Variants in OLFM2 observed in about 807,000 individuals in gnomAD.
OLFM2 encodes olfactomedin 2, also known as noelin-2.
In OLFM2, 20 loss-of-function variants were observed where a neutral mutation model predicts 43.9. That is an observed-to-expected ratio of 0.46 (90% CI 0.32 to 0.66). The LOEUF (loss-of-function observed/expected upper bound fraction) is 0.66. Ranked by LOEUF, OLFM2 falls within the 30% of genes least tolerant of loss-of-function variation. The pLI is 0.04. For synonymous variants in OLFM2, 268 were observed against 278.6 expected (o/e 0.96, Z 0.38); for missense variants, 416 against 643.6 (o/e 0.65, Z 3.83).
chr19:9,865,571 A>G (rs2046395926), intron 1 of OLFM2, among the ~76,000 whole-genome samples: 1 of 128,858 alleles, frequency 7.8e-6, no homozygotes, highest in East Asian at 2.4e-4. Flanking sequence ...GGCTCACTGC[A>G]GCCTCTGCCT....
chr19:9,922,212 A>G (rs560937853), intron 1 of OLFM2, among the ~76,000 whole-genome samples: 2 of 152,340 alleles, frequency 1.3e-5, no homozygotes, highest in South Asian at 4.1e-4. Context: ...TCCAATAAAA[A>G]TCTCATATCC....
chr19:9,927,907 C>A (rs2086462741), intron 1 of OLFM2, among the ~76,000 whole-genome samples: 1 of 151,070 alleles, frequency 6.6e-6, no homozygotes, highest in South Asian at 2.1e-4. Context: ...ACTAAAAATA[C>A]AAAAATTAGC....
chr19:9,873,214 C>T (rs191981628), intron 1 of OLFM2, among the ~76,000 whole-genome samples: 6 of 152,260 alleles, frequency 3.9e-5, no homozygotes, highest in Admixed American at 2.6e-4. Context: ...GTAATCACGG[C>T]GCGATCACTG....
At chr19:9,885,351 A>C (rs2046577071) in intron 1 of OLFM2, among the ~76,000 whole-genome samples, 1 of 152,196 alleles carries the variant, frequency 6.6e-6, no homozygotes, top group African/African-American at 2.4e-5. Context: ...TTTCATCCCA[A>C]GAGAGCTGAG....
chr19:9,860,120 C>T (rs2046355822), intron 2 of OLFM2, among the ~76,000 whole-genome samples: 1 of 150,930 alleles, frequency 6.6e-6, no homozygotes, highest in Admixed American at 6.6e-5. Flanking sequence ...TGCACTCCAG[C>T]CTGGGCGACA....
intron 1 of OLFM2, among the ~76,000 whole-genome samples, chr19:9,899,136 C>CA (rs2046709782): frequency 6.6e-6 from 1 of 151,620 alleles, no homozygotes; most frequent in African/African-American, 2.4e-5. Flanking sequence ...GTGGTGGCAG[C>CA]CACCTGTAAT....
intron 1 of OLFM2, among the ~76,000 whole-genome samples, chr19:9,901,247 G>A (rs965583011): frequency 1.4e-5 from 2 of 140,620 alleles, no homozygotes; most frequent in African/African-American, 2.6e-5. Flanking sequence ...AAGGAAAGAA[G>A]AAAGAAAGGG....
chr19:9,928,920 T>C (rs2086468162), intron 1 of OLFM2, among the ~76,000 whole-genome samples: 2 of 151,946 alleles, frequency 1.3e-5, no homozygotes, highest in Admixed American at 1.3e-4. Flanking sequence ...GCACTCTGGA[T>C]GGATGAAGTT....
chr19:9,922,319 C>A lies in OLFM2; in HGVS notation c.63+13985G>T, dbSNP rs959139493. On this transcript the variant is annotated intron_variant, in intron 1 of 5. Transcript: ENST00000264833. ...ATTCCTACAAATCAGTAAGAAAAAACCAGACATCTGAACAGAGAAGTGGGC... is the reference window on the plus strand; with the variant it reads ...ATTCCTACAAATCAGTAAGAAAAAAACAGACATCTGAACAGAGAAGTGGGC... 4.0e-5 allele frequency among the ~76,000 whole-genome samples: 6 copies of A among 151,808 alleles called. No individual in the cohort carries two copies. The East Asian group carries it at 5.8e-4, about 15-fold the overall frequency.
chr19:9,877,282 C>A (rs2046498199), intron 1 of OLFM2, among the ~76,000 whole-genome samples: 4 of 149,838 alleles, frequency 2.7e-5, no homozygotes, highest in Admixed American at 1.3e-4. Context: ...ACCTGTAATC[C>A]CAGCACTTTG....
intron 1 of OLFM2, among the ~76,000 whole-genome samples, chr19:9,911,996 GCA>G (rs1288041355): frequency 1.3e-5 from 2 of 151,998 alleles, no homozygotes; most frequent in Non-Finnish European, 2.9e-5. Flanking sequence ...CCACACCCAA[GCA>G]CAGTCACTCA....
chr19:9,913,592 C>G (rs2046847164), intron 1 of OLFM2: 6 of 1,305,874 alleles, frequency 4.6e-6, no homozygotes, highest in Non-Finnish European at 5.9e-6. Context: ...CAGCACGGCC[C>G]CGATCTTGAG....
chr19:9,896,422 G>C (rs955886815), intron 1 of OLFM2, among the ~76,000 whole-genome samples: 1 of 152,002 alleles, frequency 6.6e-6, no homozygotes, highest in Non-Finnish European at 1.5e-5. Flanking sequence ...TTTAGAGACA[G>C]AGTCTTGCTC....
chr19:9,923,826 G>A (rs1272868200), intron 1 of OLFM2, among the ~76,000 whole-genome samples: 3 of 151,580 alleles, frequency 2.0e-5, no homozygotes, highest in African/African-American at 4.8e-5. Flanking sequence ...AGAGCTGGGC[G>A]TGGTGCCTCA....
chr19:9,859,837 C>T (rs2046353398), intron 2 of OLFM2, among the ~76,000 whole-genome samples: 1 of 152,158 alleles, frequency 6.6e-6, no homozygotes, highest in African/African-American at 2.4e-5. Flanking sequence ...TGCTTGGCTT[C>T]TCTCCCAAAA....
chr19:9,874,967 C>T (rs2046473063), intron 1 of OLFM2, among the ~76,000 whole-genome samples: 1 of 152,172 alleles, frequency 6.6e-6, no homozygotes, highest in South Asian at 2.1e-4. Context: ...GACGTTTCCC[C>T]AGCCTGTAAC....
At chr19:9,930,919 G>C (rs1472175374) in intron 1 of OLFM2, among the ~76,000 whole-genome samples, 2 of 151,952 alleles carry the variant, frequency 1.3e-5, no homozygotes, top group East Asian at 3.9e-4. Context: ...TATCTCACCT[G>C]TTTTACCCTG....
chr19:9,898,581 C>A (rs1372200226), intron 1 of OLFM2, among the ~76,000 whole-genome samples: 2 of 151,918 alleles, frequency 1.3e-5, no homozygotes, highest in Non-Finnish European at 2.9e-5. Flanking sequence ...CCAGGGTGGT[C>A]TCAAATTCCT....
chr19:9,899,558 T>C (rs1331928381), intron 1 of OLFM2, among the ~76,000 whole-genome samples: 1 of 136,182 alleles, frequency 7.3e-6, no homozygotes, highest in African/African-American at 3.2e-5. Context: ...TTTGTTCTTC[T>C]CTTTTCTTTT....
Sources: allele counts gnomAD v4.1 joint callset (sites outside exome capture counted in the v4.1 genomes callset), GRCh38; gene constraint gnomAD v4.1.1; transcripts MANE v1.5; gene names NCBI Gene and HGNC (gene_info 2026-07-23, HGNC 2026-07-21).